The following BBS9 variants were observed in gnomAD, a reference collection of about 807,000 sequenced individuals.
The protein encoded by BBS9 is protein PTHB1.
A neutral mutation model predicts 117.7 loss-of-function variants in BBS9; 89 were observed. That is an observed-to-expected ratio of 0.76 (90% CI 0.64 to 0.90). BBS9 has a LOEUF of 0.90. Among genes scored for constraint, BBS9 ranks in the 40% least tolerant of loss-of-function variants. The pLI is 0.00. For synonymous variants in BBS9, 379 were observed against 370.9 expected, an observed-to-expected ratio of 1.02 and a Z score of -0.25; for missense variants, 982 against 1,042.2, an observed-to-expected ratio of 0.94 and a Z score of 0.80.
intron 9 of BBS9, among the ~76,000 whole-genome samples, chr7:33,286,135 A>G (rs1407041569): frequency 2.0e-5 from 3 of 152,100 alleles, no homozygotes; most frequent in Non-Finnish European, 2.9e-5. Context: ...TTTCAATGGT[A>G]GAATTCTACT....
chr7:33,353,091 A>G (rs1818971476), intron 15 of BBS9, among the ~76,000 whole-genome samples: 1 of 152,168 alleles, frequency 6.6e-6, no homozygotes, highest in South Asian at 2.1e-4. Flanking sequence ...CATGAGAAAG[A>G]ATGAAATTAG....
chr7:33,298,831 T>C (rs183085884), intron 9 of BBS9, among the ~76,000 whole-genome samples: 72 of 152,290 alleles, frequency 4.7e-4, no homozygotes, highest in African/African-American at 1.7e-3. Context: ...ACTTGAACTG[T>C]AGTCCACATA....
At chr7:33,455,439 T>G (rs1330500600) in intron 19 of BBS9, among the ~76,000 whole-genome samples, 7 of 152,222 alleles carry the variant, frequency 4.6e-5, no homozygotes, top group Admixed American at 4.6e-4. Context: ...TGTTCATATT[T>G]TATAGAAAGT....
At chr7:33,542,230 G>A (rs1183806547) in intron 21 of BBS9, among the ~76,000 whole-genome samples, 3 of 151,980 alleles carry the variant, frequency 2.0e-5, no homozygotes, top group Non-Finnish European at 2.9e-5. Context: ...GATTACAGGC[G>A]TGTGCCACCA....
chr7:33,165,881 G>A (rs541426539), intron 4 of BBS9, among the ~76,000 whole-genome samples: 113 of 152,212 alleles, frequency 7.4e-4, no homozygotes, highest in African/African-American at 2.6e-3. Context: ...TCCGTTGCTG[G>A]CAAGGAGCTG....
At chr7:33,412,514 G>A (rs2128826874) in intron 19 of BBS9, among the ~76,000 whole-genome samples, 1 of 152,304 alleles carries the variant, frequency 6.6e-6, no homozygotes. Flanking sequence ...TTTACAACTT[G>A]CATGCCTATG....
intron 20 of BBS9, among the ~76,000 whole-genome samples, chr7:33,520,436 A>G (rs1412502438): frequency 6.6e-6 from 1 of 152,214 alleles, no homozygotes; most frequent in East Asian, 1.9e-4. Context: ...TATGGGAATA[A>G]CTACCTACAT....
In BBS9 at chr7:33,357,925, A is replaced by G; in HGVS notation, c.1623A>G (p.Ser541=). 2 of 1,612,660 alleles carry G rather than the reference A, an allele frequency of 1.2e-6. No individual in the cohort carries two copies. Among genetic ancestry groups the G allele is most frequent in the Non-Finnish European group, 1.7e-6 (2 of 1,178,930 alleles). The change falls in exon 16 of 23, where the codon TCA becomes TCG. Residue 541 remains serine, a synonymous_variant. Coordinates refer to ENST00000242067, the MANE Select transcript of BBS9 (RefSeq NM_198428.3). ...TAATTTGCCTACCAGGTCAGCCTTC[A>G]AAAACTGCAAGCCACAAAATTACTA... The part of the protein sequence containing the change: ...LKLICLPGQP[S]KTASHKITID...
chr7:33,537,776 GCAATATTT>G (rs1851683781), intron 21 of BBS9, among the ~76,000 whole-genome samples: 1 of 152,090 alleles, frequency 6.6e-6, no homozygotes, highest in African/African-American at 2.4e-5. Flanking sequence ...AGTATCTAGG[GCAATATTT>G]CAATAGCCCT....
At chr7:33,517,695 A>G (rs1350757972) in intron 20 of BBS9, among the ~76,000 whole-genome samples, 3 of 152,222 alleles carry the variant, frequency 2.0e-5, no homozygotes, top group African/African-American at 7.2e-5. Context: ...TCCAATTTAT[A>G]GATGAGGAAA....
At chr7:33,578,027 T>C (rs1050660241) in intron 21 of BBS9, among the ~76,000 whole-genome samples, 2 of 152,196 alleles carry the variant, frequency 1.3e-5, no homozygotes, top group Non-Finnish European at 2.9e-5. Context: ...ATTGTGCACA[T>C]GTACCCTAGA....
intron 21 of BBS9, among the ~76,000 whole-genome samples, chr7:33,619,228 T>A (rs186753799): frequency 2.6e-4 from 40 of 152,224 alleles, no homozygotes; most frequent in African/African-American, 8.4e-4. Context: ...CAAAATAGAC[T>A]TTAGTCAAAA....
At chr7:33,259,385 A>G (rs758390582) in intron 6 of BBS9, among the ~76,000 whole-genome samples, 13 of 152,166 alleles carry the variant, frequency 8.5e-5, no homozygotes, top group Non-Finnish European at 1.6e-4. Context: ...ACTTTTACAG[A>G]TGCTAGTCCC....
intron 5 of BBS9, among the ~76,000 whole-genome samples, chr7:33,228,118 AC>A (rs1791644938): frequency 6.6e-6 from 1 of 152,050 alleles, no homozygotes; most frequent in Non-Finnish European, 1.5e-5. Flanking sequence ...TTTCTTTTTC[AC>A]CACATCCATG....
At chr7:33,370,263 G>A (rs865843928) in intron 17 of BBS9, among the ~76,000 whole-genome samples, 1 of 151,350 alleles carries the variant, frequency 6.6e-6, no homozygotes, top group African/African-American at 2.4e-5. Context: ...TTCAAGACCA[G>A]CCTGGGCAAC....
intron 21 of BBS9, among the ~76,000 whole-genome samples, chr7:33,597,853 G>A (rs545786815): frequency 2.4e-4 from 35 of 147,814 alleles, no homozygotes; most frequent in African/African-American, 8.8e-4. Context: ...AAAAAATGGT[G>A]CAGAAAGTGC....
At chr7:33,487,955 G>T (rs1331991459) in intron 19 of BBS9, among the ~76,000 whole-genome samples, 1 of 152,126 alleles carries the variant, frequency 6.6e-6, no homozygotes, top group Non-Finnish European at 1.5e-5. Context: ...GGTGTGATAG[G>T]CTATAAATTG....
chr7:33,330,170 C>T (rs1426432094), intron 9 of BBS9, among the ~76,000 whole-genome samples: 3 of 152,008 alleles, frequency 2.0e-5, no homozygotes, highest in African/African-American at 4.8e-5. Context: ...CATGCCACCA[C>T]ACCCGGCTAA....
Position 33,569,889 on chromosome 7 carries a change from G to A in BBS9, c.2522-34976G>A, listed in dbSNP as rs936398667. 2.6e-5 allele frequency among the ~76,000 whole-genome samples: 4 copies of A among 152,326 alleles called. No homozygotes were observed. In the East Asian group the frequency reaches 7.7e-4, roughly 29 times the overall value. ...GGACCTGGGAACAAAGAGGGCCTGG[G>A]AGCAAAGACATACTAGTAGTAGTGA... On this transcript the variant is annotated intron_variant, in intron 21 of 22. Coordinates refer to ENST00000242067, the MANE Select transcript of BBS9 (RefSeq NM_198428.3).
Sources: gnomAD v4.1 joint callset for allele counts (sites outside exome capture counted in the v4.1 genomes callset) on GRCh38, gnomAD v4.1.1 for gene constraint, MANE v1.5 for transcripts, NCBI Gene and HGNC (gene_info 2026-07-23, HGNC 2026-07-21) for gene names.